FBXO11: variants seen among roughly 807,000 people sequenced by gnomAD.
FBXO11 encodes the protein F-box protein 11, also known as F-box only protein 11.
Under a neutral mutation model 117.0 loss-of-function variants are expected in FBXO11, and 13 were observed. The observed-to-expected ratio is 0.11, with a 90% CI of 0.07 to 0.18. The LOEUF (loss-of-function observed/expected upper bound fraction) is 0.18, where lower values mean the gene tolerates loss of function less well. Ranked by LOEUF, FBXO11 falls within the 10% of genes least tolerant of loss-of-function variation. The probability of loss-of-function intolerance (pLI) is 1.00; values close to 1 mark genes in which losing one functional copy is unlikely to be tolerated. For synonymous variants in FBXO11, 490 were observed against 380.5 expected (o/e 1.29, Z -3.35); for missense variants, 767 against 1,164.4 (o/e 0.66, Z 4.97).
At chr2:47,851,015 A>C (rs1443101018) in intron 1 of FBXO11, among the ~76,000 whole-genome samples, 1 of 152,230 alleles carries the variant, frequency 6.6e-6, no homozygotes, top group Admixed American at 6.5e-5. Flanking sequence ...GTAACTTCCA[A>C]AGATTTAAAA....
At chr2:47,886,069 C>T (rs1676819344) in intron 1 of FBXO11, among the ~76,000 whole-genome samples, 1 of 149,930 alleles carries the variant, frequency 6.7e-6, no homozygotes, top group African/African-American at 2.4e-5. Context: ...ACAAATTTGG[C>T]AACATTTACC....
chr2:47,901,090 T>TATAC (rs1232484253), intron 1 of FBXO11, among the ~76,000 whole-genome samples: 2 of 122,062 alleles, frequency 1.6e-5, no homozygotes, highest in Non-Finnish European at 3.5e-5. Flanking sequence ...TGTGTACATA[T>TATAC]ATATACATAT....
chr2:47,846,553 C>G (rs1673427284), intron 1 of FBXO11, among the ~76,000 whole-genome samples: 1 of 151,938 alleles, frequency 6.6e-6, no homozygotes, highest in Non-Finnish European at 1.5e-5. Context: ...TAATCAAAGA[C>G]TTAAAAATAA....
At chr2:47,899,340 A>G (rs1488143151) in intron 1 of FBXO11, among the ~76,000 whole-genome samples, 1 of 152,148 alleles carries the variant, frequency 6.6e-6, no homozygotes, top group East Asian at 1.9e-4. Flanking sequence ...GGTTGTAACA[A>G]GTCATACAGA....
At chr2:47,842,214 C>T (rs1412838370) in intron 1 of FBXO11, among the ~76,000 whole-genome samples, 1 of 151,676 alleles carries the variant, frequency 6.6e-6, no homozygotes, top group Non-Finnish European at 1.5e-5. Context: ...CGGGGTTTCA[C>T]AATGTTGGCC....
At chr2:47,829,602 CA>C (rs1416332278) in intron 11 of FBXO11, among the ~76,000 whole-genome samples, 3 of 151,680 alleles carry the variant, frequency 2.0e-5, no homozygotes, top group Non-Finnish European at 4.4e-5. Flanking sequence ...GAGTATTAAA[CA>C]AACAAAAGAC....
chr2:47,884,539 T>G (rs943925599), intron 1 of FBXO11, among the ~76,000 whole-genome samples: 2 of 152,218 alleles, frequency 1.3e-5, no homozygotes, highest in Non-Finnish European at 2.9e-5. Flanking sequence ...TTCCTCTTTA[T>G]GATTTCTAGA....
intron 1 of FBXO11, chr2:47,905,230 G>A: frequency 4.1e-6 from 1 of 244,112 alleles, no homozygotes; most frequent in Non-Finnish European, 7.7e-6. Context: ...GGTGGGGGTG[G>A]AGGGTGCTGA....
At chr2:47,901,962 C>G (rs1006041116) in intron 1 of FBXO11, among the ~76,000 whole-genome samples, 1 of 152,168 alleles carries the variant, frequency 6.6e-6, no homozygotes, top group Non-Finnish European at 1.5e-5. Context: ...GAGACCGAGT[C>G]TTGCACTGTG....
At chr2:47,843,003 C>T (rs1037766743) in intron 1 of FBXO11, among the ~76,000 whole-genome samples, 1 of 152,116 alleles carries the variant, frequency 6.6e-6, no homozygotes, top group Non-Finnish European at 1.5e-5. Context: ...GCAGGCTAGT[C>T]TCAAAACTGC....
At chr2:47,900,894 A>ACACACACACGTGTATATATATACACG (rs1183984868) in intron 1 of FBXO11, among the ~76,000 whole-genome samples, 7 of 144,264 alleles carry the variant, frequency 4.9e-5, no homozygotes. Context: ...ATACACGTAT[A>ACACACACACGTGTATATATATACACG]TATACACACA....
chr2:47,904,927 CG>C (rs1000128385), intron 1 of FBXO11, among the ~76,000 whole-genome samples: 11 of 149,490 alleles, frequency 7.4e-5, no homozygotes, highest in South Asian at 2.2e-4. Flanking sequence ...TGACCAGGGA[CG>C]GGGGGGCGGG....
intron 1 of FBXO11, among the ~76,000 whole-genome samples, chr2:47,897,491 G>A (rs1677762124): frequency 6.6e-6 from 1 of 152,188 alleles, no homozygotes; most frequent in African/African-American, 2.4e-5. Flanking sequence ...TACATCATGA[G>A]TTTGAGATCA....
intron 1 of FBXO11, chr2:47,905,265 G>A (rs1678682944): frequency 3.4e-6 from 1 of 294,466 alleles, no homozygotes; most frequent in East Asian, 7.5e-5. Flanking sequence ...ACAAAGCGCG[G>A]CCTGAGCGAG....
chr2:47,816,992 G>C (rs1045431892), intron 16 of FBXO11, among the ~76,000 whole-genome samples: 2 of 152,156 alleles, frequency 1.3e-5, no homozygotes, highest in Non-Finnish European at 2.9e-5. Flanking sequence ...CTTGCCCTTT[G>C]AAGTCAGGCA....
intron 1 of FBXO11, among the ~76,000 whole-genome samples, chr2:47,852,774 C>T (rs1036206280): frequency 3.9e-5 from 6 of 152,144 alleles, no homozygotes; most frequent in South Asian, 4.1e-4. Flanking sequence ...GTGTTTTATA[C>T]GTGTATCAAC....
chr2:47,841,126 A>C (rs1378643567), intron 1 of FBXO11, among the ~76,000 whole-genome samples: 1 of 151,954 alleles, frequency 6.6e-6, no homozygotes, highest in Non-Finnish European at 1.5e-5. Flanking sequence ...TGAACCCGGG[A>C]GGCAGAGCTT....
intron 12 of FBXO11, among the ~76,000 whole-genome samples, chr2:47,822,632 T>C (rs1671470865): frequency 6.6e-6 from 1 of 152,190 alleles, no homozygotes; most frequent in African/African-American, 2.4e-5. Context: ...ATTTGACAAT[T>C]AAAAATAATT....
chr2:47,863,724 T>C (rs975002706), intron 1 of FBXO11, among the ~76,000 whole-genome samples: 1 of 152,148 alleles, frequency 6.6e-6, no homozygotes, highest in Non-Finnish European at 1.5e-5. Flanking sequence ...GCAGATCACT[T>C]GAAGTCAGGA....
Sources: allele counts gnomAD v4.1 joint callset (sites outside exome capture counted in the v4.1 genomes callset), GRCh38; gene constraint gnomAD v4.1.1; transcripts MANE v1.5; gene names NCBI Gene and HGNC (gene_info 2026-07-23, HGNC 2026-07-21).